UNC13B: variants seen among roughly 807,000 people sequenced by gnomAD.
The protein encoded by UNC13B is protein unc-13 homolog B.
A neutral mutation model predicts 211.0 loss-of-function variants in UNC13B; 144 were observed. The observed-to-expected ratio is 0.68, with a 90% CI of 0.60 to 0.78. The LOEUF (loss-of-function observed/expected upper bound fraction) is 0.78, where lower values mean the gene tolerates loss of function less well. Ranked by LOEUF, UNC13B falls within the 30% of genes least tolerant of loss-of-function variation. The probability of loss-of-function intolerance (pLI) is 0.00; values close to 1 mark genes in which losing one functional copy is unlikely to be tolerated. For synonymous variants in UNC13B, 709 were observed against 725.8 expected, an observed-to-expected ratio of 0.98 and a Z score of 0.37; for missense variants, 1,777 against 2,002.0, an observed-to-expected ratio of 0.89 and a Z score of 2.14.
intron 14 of UNC13B, 125 bp from the exon 15 acceptor site, chr9:35,375,903 C>G: frequency 1.1e-6 from 1 of 894,062 alleles, no homozygotes; most frequent in Non-Finnish European, 1.8e-6. Flanking sequence ...TTGCTTGAAC[C>G]TGGGAGGTGG....
chr9:35,343,491 G>A (rs1367849200), intron 11 of UNC13B, among the ~76,000 whole-genome samples: 2 of 152,176 alleles, frequency 1.3e-5, no homozygotes, highest in Non-Finnish European at 2.9e-5. Context: ...CCGTGAAAGG[G>A]TCAGGTGGAG....
chr9:35,241,751 T>G (rs568372580), intron 5 of UNC13B, among the ~76,000 whole-genome samples: 39 of 152,276 alleles, frequency 2.6e-4, no homozygotes, highest in African/African-American at 9.1e-4. Context: ...CACTTCCCAC[T>G]CTCCTTCTTT....
At chr9:35,371,353 T>C (rs915751177) in intron 13 of UNC13B, among the ~76,000 whole-genome samples, 9 of 151,114 alleles carry the variant, frequency 6.0e-5, no homozygotes, top group Admixed American at 1.3e-4. Flanking sequence ...TTCTTTCTTT[T>C]TTTTTTTTTT....
rs1054199251 is a variant in UNC13B, at chr9:35,303,562, A to G, written c.4158A>G (p.Ser1386=). ...TGTTAAATCAAAATAGATTTCTATC[A>G]GCCGATGCTTGCTTGTGGCTTGACT... The part of the protein sequence containing the change: ...YYMLNQNRFL[S]ADACLWLDSE... The change falls in exon 9 of 40, where the codon TCA becomes TCG. Residue 1386 remains serine, a synonymous_variant. Coordinates refer to ENST00000635942, the MANE Select transcript of UNC13B (RefSeq NM_001371189.2). 1 of 398,788 alleles carries G rather than the reference A, an allele frequency of 2.5e-6. No homozygotes were observed. Among genetic ancestry groups the G allele is most frequent in the Non-Finnish European group, 4.4e-6 (1 of 225,858 alleles). 24.7% of individuals were successfully genotyped at this position (398,788 alleles called of 1,614,324 possible).
At chr9:35,371,523 G>C (rs1834123632) in intron 13 of UNC13B, among the ~76,000 whole-genome samples, 3 of 147,108 alleles carry the variant, frequency 2.0e-5, no homozygotes, top group African/African-American at 5.4e-5. Context: ...TCTTCATCTA[G>C]CTGGTTGAAG....
At chr9:35,319,402 CAAAAAAAAAAAAAAAAAAA>C (rs74176715) in intron 11 of UNC13B, among the ~76,000 whole-genome samples, 3 of 56,188 alleles carry the variant, frequency 5.3e-5, no homozygotes, top group East Asian at 8.2e-4. Flanking sequence ...GACCCTATCT[CAAAAAAAAAAAAAAAAAAA>C]AAAAAAAAAA....
intron 7 of UNC13B, among the ~76,000 whole-genome samples, chr9:35,263,462 C>T (rs1827395443): frequency 6.6e-6 from 1 of 152,050 alleles, no homozygotes; most frequent in South Asian, 2.1e-4. Context: ...GAGGAACCCA[C>T]CTATATGAAA....
intron 7 of UNC13B, among the ~76,000 whole-genome samples, chr9:35,269,128 C>G (rs1375905725): frequency 1.3e-5 from 2 of 152,116 alleles, no homozygotes; most frequent in Non-Finnish European, 2.9e-5. Context: ...AGACTGCCTC[C>G]CACTTTAGAG....
In UNC13B at chr9:35,307,026, A is replaced by G. The variant is rs1001144018; in HGVS notation, c.7622A>G (p.Asp2541Gly). 1 of 398,948 alleles carries G rather than the reference A, an allele frequency of 2.5e-6. No homozygotes were observed. Among genetic ancestry groups the G allele is most frequent in the Admixed American group, 4.4e-5 (1 of 22,720 alleles). The allele number at this position is 398,948 out of a possible 1,614,324, so 24.7% of individuals were successfully genotyped here. Residue 2541 changes from aspartate to glycine, a missense_variant, in exon 9 of 40, where the codon GAT becomes GGT. By Grantham distance (94) the Asp-to-Gly change is moderately conservative. Coordinates refer to ENST00000635942, the MANE Select transcript of UNC13B (RefSeq NM_001371189.2). ...TSWLQNGCSR[D>G]AVGSVPPERR... Reference sequence around the variant, plus strand: ...TGGCTTCAAAATGGTTGTTCCAGAGATGCTGTAGGATCAGTACCTCCAGAA... The same window carrying G: ...TGGCTTCAAAATGGTTGTTCCAGAGGTGCTGTAGGATCAGTACCTCCAGAA...
intron 1 of UNC13B, among the ~76,000 whole-genome samples, chr9:35,201,979 G>C (rs1465060517): frequency 6.6e-6 from 1 of 152,142 alleles, no homozygotes. Context: ...GGCATTTAGT[G>C]CTATAAATTT....
intron 13 of UNC13B, 77 bp from the exon 14 acceptor site, chr9:35,375,050 G>T: frequency 6.9e-7 from 1 of 1,447,218 alleles, no homozygotes; most frequent in East Asian, 2.3e-5. Flanking sequence ...AAGTGGCTTT[G>T]GTCACTGAAG....
chr9:35,243,453 G>A, intron 6 of UNC13B, 89 bp downstream of exon 6: 2 of 1,317,452 alleles, frequency 1.5e-6, no homozygotes, highest in Non-Finnish European at 2.2e-6. Flanking sequence ...CCAAGAGCAT[G>A]TTGTCCTGAG....
intron 9 of UNC13B, 132 bp from the exon 10 acceptor site, chr9:35,310,335 T>G: frequency 3.2e-6 from 3 of 945,834 alleles, no homozygotes; most frequent in Non-Finnish European, 3.1e-6. Context: ...TGAAGTTTGG[T>G]CCTCTCTTCC....
rs534207358 is a variant in UNC13B at position 35,281,739 on chromosome 9, A to G, written c.527-13957A>G. Among the ~76,000 whole-genome samples the G allele has an allele frequency of 2.6e-5, 4 of 152,320 alleles. No individual in the cohort carries two copies. The East Asian group carries it at 7.7e-4, about 29-fold the overall frequency. ...TTACGCTGCCCTAAAAATCTTCTGT[A>G]GTTTACCTATTCATTTCTACCTCTC... On this transcript the variant is annotated intron_variant, in intron 7 of 39. Coordinates refer to ENST00000635942, the MANE Select transcript of UNC13B (RefSeq NM_001371189.2).
chr9:35,366,868 C>T, intron 11 of UNC13B, 79 bp from the exon 12 acceptor site: 2 of 1,250,928 alleles, frequency 1.6e-6, no homozygotes, highest in East Asian at 2.3e-5. Flanking sequence ...TGGGCTTGTA[C>T]TCTACTGCTC....
chr9:35,328,877 C>T (rs1263231421), intron 11 of UNC13B, among the ~76,000 whole-genome samples: 1 of 151,894 alleles, frequency 6.6e-6, no homozygotes, highest in Non-Finnish European at 1.5e-5. Flanking sequence ...ACGCCATTCT[C>T]CTGCCTCAGC....
At chr9:35,297,561 T>TTTTTTG (rs1554698741) in intron 8 of UNC13B, among the ~76,000 whole-genome samples, 1 of 128,164 alleles carries the variant, frequency 7.8e-6, no homozygotes, top group Non-Finnish European at 1.7e-5. Context: ...TTTTTTTTTT[T>TTTTTTG]TTTTTTGAGA....
chr9:35,309,222 AGTGTGTGTGTGT>A (rs5897599), intron 9 of UNC13B, among the ~76,000 whole-genome samples: 186 of 145,190 alleles, frequency 1.3e-3, no homozygotes, highest in South Asian at 2.7e-3. Flanking sequence ...GGTCAGGGTC[AGTGTGTGTGTGT>A]GTGTGTGTGT....
At chr9:35,291,039 TTATC>T (rs1408483132) in intron 7 of UNC13B, 1 of 1,549,894 alleles carries the variant, frequency 6.5e-7, no homozygotes. Context: ...TTTTCAAAAA[TTATC>T]TGCTGCTTCT....
Sources: allele counts gnomAD v4.1 joint callset (sites outside exome capture counted in the v4.1 genomes callset), GRCh38; gene constraint gnomAD v4.1.1; transcripts MANE v1.5; gene names NCBI Gene and HGNC (gene_info 2026-07-23, HGNC 2026-07-21).